MRPL54: variants seen among roughly 807,000 people sequenced by gnomAD.
The protein encoded by MRPL54 is large ribosomal subunit protein mL54.
A neutral mutation model predicts 15.6 loss-of-function variants in MRPL54; 12 were observed. The observed-to-expected ratio is 0.77, with a 90% CI of 0.49 to 1.24. The LOEUF is 1.24. MRPL54 is among the 50% of genes most tolerant of loss of function. The pLI is 0.00. For missense variants in MRPL54, 178 were observed against 186.8 expected, an observed-to-expected ratio of 0.95 and a Z score of 0.28; for synonymous variants, 91 against 75.7, an observed-to-expected ratio of 1.20 and a Z score of -1.05.
Position 3,762,693 on chromosome 19 carries a change from AATACGT to A in MRPL54, c.-7_-2del. The A allele has an allele frequency of 6.2e-7, 1 of 1,610,616 alleles. No individual in the cohort carries two copies. Among genetic ancestry groups the A allele is most frequent in the Non-Finnish European group, 8.5e-7 (1 of 1,178,484 alleles). The stretch of plus-strand genomic sequence containing the variant: ...AAACGTGCACTTGCAAGCTGCCCGC[AATACGT>A]CATGGCGACCAAACGCCTTTTCGGG... On this transcript the variant is annotated 5_prime_UTR_variant, in exon 1 of 3. Coordinates refer to ENST00000330133, the MANE Select transcript of MRPL54 (RefSeq NM_172251.3).
At chr19:3,765,740 A>G (rs1035331370) in intron 2 of MRPL54, among the ~76,000 whole-genome samples, 3 of 151,882 alleles carry the variant, frequency 2.0e-5, no homozygotes, top group Non-Finnish European at 4.4e-5. Flanking sequence ...TCTACTAAAA[A>G]TATAAAAATT....
intron 1 of MRPL54, among the ~76,000 whole-genome samples, chr19:3,763,928 TAAATAA>T (rs1352019251): frequency 2.0e-5 from 3 of 148,456 alleles, no homozygotes; most frequent in Admixed American, 1.3e-4. Flanking sequence ...AATAAATAAA[TAAATAA>T]AAATAAAAAT....
chr19:3,764,768 C>T (rs1027923350), intron 1 of MRPL54, among the ~76,000 whole-genome samples: 1 of 151,630 alleles, frequency 6.6e-6, no homozygotes, highest in African/African-American at 2.4e-5. Flanking sequence ...GTGGCTCACG[C>T]CTGTAATCCC....
rs774006002 is a variant in MRPL54 at position 3,765,240 on chromosome 19, C to G, written c.193C>G (p.Pro65Ala). 2 of 1,613,996 alleles carry G rather than the reference C, an allele frequency of 1.2e-6. No individual in the cohort carries two copies. Among genetic ancestry groups the G allele is most frequent in the Non-Finnish European group, 1.7e-6 (2 of 1,179,970 alleles). The change falls in exon 2 of 3, where the codon CCT becomes GCT. Residue 65 changes from proline to alanine, a missense_variant. Coordinates refer to ENST00000330133, the MANE Select transcript of MRPL54 (RefSeq NM_172251.3). ...ALKDPDVCTDPVQLTTYAMGV... is the reference protein window; with the variant it reads ...ALKDPDVCTDAVQLTTYAMGV... Reference sequence around the variant, plus strand: ...CAAGGACCCCGACGTATGCACAGATCCTGTCCAGCTCACCACATATGCCAT... The same window carrying G: ...CAAGGACCCCGACGTATGCACAGATGCTGTCCAGCTCACCACATATGCCAT...
rs765892773 is a variant in MRPL54 at position 3,762,830 on chromosome 19, T to C, written c.118+12T>C. 5.8e-6 allele frequency: 9 copies of C among 1,548,762 alleles called. No individual in the cohort carries two copies. The African/African-American group carries it at 1.1e-4, about 19-fold the overall frequency. On this transcript the variant is annotated intron_variant, in intron 1 of 2. Transcript: ENST00000330133. ...TGCCAAGAAACCAGGTGAGCTGGGT[T>C]AAGAGGAACCAAATGGGGACGGTGG...
At chr19:3,764,824 C>T (rs564027825) in intron 1 of MRPL54, among the ~76,000 whole-genome samples, 17 of 151,756 alleles carry the variant, frequency 1.1e-4, no homozygotes, top group South Asian at 4.2e-4. Context: ...GTCAGGAGAT[C>T]GAGACCATCC....
intron 1 of MRPL54, among the ~76,000 whole-genome samples, chr19:3,764,231 C>T (rs867706679): frequency 2.5e-4 from 36 of 145,434 alleles, no homozygotes; most frequent in Middle Eastern, 4.3e-3. Context: ...CACAGGTGCC[C>T]ACCACCATGC....
intron 1 of MRPL54, among the ~76,000 whole-genome samples, chr19:3,763,071 T>A (rs1053850823): frequency 6.6e-6 from 1 of 152,136 alleles, no homozygotes; most frequent in East Asian, 1.9e-4. Context: ...GGGAGGAGGA[T>A]GTGGTTACGT....
At chr19:3,765,356 C>T (rs1268705726) in intron 2 of MRPL54, 25 bp downstream of exon 2, 4 of 1,610,056 alleles carry the variant, frequency 2.5e-6, no homozygotes, top group East Asian at 2.2e-5. Context: ...CTGTGTCATC[C>T]TGCAATGACT....
rs1282762918 is a variant in MRPL54 at position 3,767,478 on chromosome 19, G to C, written c.*85G>C. On this transcript the variant is annotated 3_prime_UTR_variant, in exon 3 of 3. Coordinates refer to ENST00000330133, the MANE Select transcript of MRPL54 (RefSeq NM_172251.3). ...GTGGACTTTTGTGAGACAAGAGGCG[G>C]CTCCCCAGCCTGGGTTTCCATGTGA... The C allele has an allele frequency of 1.0e-5, 16 of 1,555,334 alleles. No individual in the cohort carries two copies. Among genetic ancestry groups the C allele is most frequent in the Non-Finnish European group, 1.3e-5 (15 of 1,156,910 alleles).
chr19:3,763,675 A>C (rs778659271), intron 1 of MRPL54, among the ~76,000 whole-genome samples: 4 of 151,776 alleles, frequency 2.6e-5, no homozygotes, highest in Admixed American at 1.3e-4. Flanking sequence ...GCACTTTGGG[A>C]GGCTGATGCA....
At chr19:3,764,348 G>A (rs986390991) in intron 1 of MRPL54, among the ~76,000 whole-genome samples, 3 of 152,106 alleles carry the variant, frequency 2.0e-5, no homozygotes, top group Non-Finnish European at 4.4e-5. Context: ...CTCCCAAAGA[G>A]CTGGGATTAC....
At chr19:3,766,414 A>T (rs1251649359) in intron 2 of MRPL54, among the ~76,000 whole-genome samples, 1 of 151,520 alleles carries the variant, frequency 6.6e-6, no homozygotes, top group Non-Finnish European at 1.5e-5. Context: ...GGGTTTCTCC[A>T]TGTTGGCCAG....
At chr19:3,767,172 C>T in intron 2 of MRPL54, 89 bp from the exon 3 acceptor site, 1 of 1,486,776 alleles carries the variant, frequency 6.7e-7, no homozygotes, top group Non-Finnish European at 8.9e-7. Context: ...GGCACCCAGC[C>T]CCGTCGCCGC....
intron 1 of MRPL54, among the ~76,000 whole-genome samples, chr19:3,763,415 G>A (rs1017863168): frequency 6.6e-6 from 1 of 152,140 alleles, no homozygotes; most frequent in Non-Finnish European, 1.5e-5. Flanking sequence ...CCAAGCATCG[G>A]TGTTACTTAA....
At chr19:3,766,398 G>C (rs2145732177) in intron 2 of MRPL54, among the ~76,000 whole-genome samples, 1 of 151,984 alleles carries the variant, frequency 6.6e-6, no homozygotes, top group East Asian at 1.9e-4. Context: ...ATTTTTAGTA[G>C]AGACAGGGTT....
intron 1 of MRPL54, among the ~76,000 whole-genome samples, chr19:3,763,897 G>C (rs1178105322): frequency 1.3e-5 from 2 of 150,128 alleles, no homozygotes; most frequent in Non-Finnish European, 3.0e-5. Flanking sequence ...GGGCGACACA[G>C]TGAGACTCTG....
At chr19:3,763,155 G>C (rs973248362) in intron 1 of MRPL54, among the ~76,000 whole-genome samples, 8 of 152,362 alleles carry the variant, frequency 5.3e-5, no homozygotes, top group Non-Finnish European at 1.0e-4. Context: ...TCATGAACTT[G>C]GGTTCCAGTT....
intron 2 of MRPL54, among the ~76,000 whole-genome samples, chr19:3,766,508 C>T (rs1272661528): frequency 6.6e-6 from 1 of 152,262 alleles, no homozygotes; most frequent in Non-Finnish European, 1.5e-5. Flanking sequence ...GCCGCCGCAC[C>T]CGTCCTGCAA....
Sources: allele counts gnomAD v4.1 joint callset (sites outside exome capture counted in the v4.1 genomes callset), GRCh38; gene constraint gnomAD v4.1.1; transcripts MANE v1.5; gene names NCBI Gene and HGNC (gene_info 2026-07-23, HGNC 2026-07-21).